MBD5: variants seen among roughly 807,000 people sequenced by gnomAD.
MBD5 encodes methyl-CpG binding domain protein 5, also known as methyl-CpG-binding domain protein 5.
In MBD5, 13 loss-of-function variants were observed where a neutral mutation model predicts 117.3. That is an observed-to-expected ratio of 0.11 (90% CI 0.07 to 0.18). MBD5 has a LOEUF of 0.18. Ranked by LOEUF, MBD5 falls within the 10% of genes least tolerant of loss-of-function variation. MBD5 has a pLI of 1.00. For synonymous variants in MBD5, 727 were observed against 766.4 expected (o/e 0.95, Z 0.85); for missense variants, 1,879 against 2,093.8 (o/e 0.90, Z 2.00).
At chr2:148,197,357 A>G (rs1298446365) in intron 2 of MBD5, among the ~76,000 whole-genome samples, 2 of 152,080 alleles carry the variant, frequency 1.3e-5, no homozygotes, top group East Asian at 3.9e-4. Flanking sequence ...TCCCTGCTGA[A>G]CTCTGCCTAA....
rs553546750 is a variant in MBD5, at chr2:148,426,843, C to T, written c.-556-31360C>T. On this transcript the variant is annotated intron_variant, in intron 4 of 13. Coordinates refer to ENST00000642680, the MANE Select transcript of MBD5 (RefSeq NM_001378120.1). The stretch of plus-strand genomic sequence containing the variant: ...AAGAACTTCTACCCAGCAAAAGAAA[C>T]CACCATCAGAGTGAACAGGCAACCT... Among the ~76,000 whole-genome samples, 20 of 152,214 alleles carry T rather than the reference C, an allele frequency of 1.3e-4. No individual in the cohort carries two copies. In the South Asian group the frequency reaches 3.7e-3, roughly 28 times the overall value.
chr2:148,287,275 A>T (rs1701388127), intron 3 of MBD5, among the ~76,000 whole-genome samples: 1 of 152,202 alleles, frequency 6.6e-6, no homozygotes, highest in African/African-American at 2.4e-5. Context: ...ACTTTGCATA[A>T]ATTTGCATAT....
chr2:148,197,916 C>T (rs987244786), intron 2 of MBD5, among the ~76,000 whole-genome samples: 2 of 149,236 alleles, frequency 1.3e-5, no homozygotes, highest in African/African-American at 2.5e-5. Flanking sequence ...CGGGTTCAAG[C>T]GATTCTCCTG....
chr2:148,314,376 G>GGTT (rs762387317), intron 3 of MBD5, among the ~76,000 whole-genome samples: 5 of 106,622 alleles, frequency 4.7e-5, no homozygotes, highest in Non-Finnish European at 7.3e-5. Context: ...CAGTGTTATG[G>GGTT]TTTTTTTTTT....
rs139851588 is a variant in MBD5 at position 148,331,220 on chromosome 2, T to G, written c.-679-10994T>G. Among the ~76,000 whole-genome samples the G allele has an allele frequency of 3.9e-5, 6 of 152,150 alleles. No homozygotes were observed. In the South Asian group the frequency reaches 6.2e-4, roughly 16 times the overall value. ...AAATGCCTACTTAGTTTCCACAGAT[T>G]ATTAAAGTTAATTTTATGCTTTTTT... On this transcript the variant is annotated intron_variant, in intron 3 of 13. Transcript: ENST00000642680.
intron 4 of MBD5, among the ~76,000 whole-genome samples, chr2:148,443,186 A>C (rs978196465): frequency 1.3e-5 from 2 of 151,412 alleles, no homozygotes; most frequent in Admixed American, 1.3e-4. Context: ...AAACAAAACT[A>C]CAGTGAGATA....
In MBD5 at chr2:148,058,159, C is replaced by T. The variant is rs80195304; in HGVS notation, c.-925+36475C>T. On this transcript the variant is annotated intron_variant, in intron 1 of 13. Transcript: ENST00000642680. The stretch of plus-strand genomic sequence containing the variant: ...GGTCTGCATTTTCTTTGTATTTCCC[C>T]TTGCCCTTACTTTCTTCTTATAATA... Among the ~76,000 whole-genome samples, 412 of 152,066 alleles carry T rather than the reference C, an allele frequency of 2.7e-3. 1 individual carries two copies. Among genetic ancestry groups the T allele is most frequent in the Middle Eastern group, 0.01 (3 of 294 alleles).
chr2:148,265,492 T>C (rs1700834731), intron 3 of MBD5, among the ~76,000 whole-genome samples: 1 of 152,182 alleles, frequency 6.6e-6, no homozygotes, highest in Non-Finnish European at 1.5e-5. Flanking sequence ...CACAGATTAT[T>C]GAACAGTTAG....
chr2:148,063,553 C>CTTTT (rs35670128), intron 1 of MBD5, among the ~76,000 whole-genome samples: 2 of 149,530 alleles, frequency 1.3e-5, no homozygotes, highest in Non-Finnish European at 3.0e-5. Flanking sequence ...TCCAAGAAAA[C>CTTTT]TTTTTTTTTT....
chr2:148,377,063 T>C (rs1402422884), intron 4 of MBD5, among the ~76,000 whole-genome samples: 2 of 151,158 alleles, frequency 1.3e-5, no homozygotes, highest in African/African-American at 4.9e-5. Flanking sequence ...CTATTAGTTC[T>C]CTCCCTATAT....
At chr2:148,375,580 C>A (rs1703967411) in intron 4 of MBD5, among the ~76,000 whole-genome samples, 1 of 152,248 alleles carries the variant, frequency 6.6e-6, no homozygotes, top group African/African-American at 2.4e-5. Context: ...ATATGGGGTA[C>A]TTGCCTTGCT....
At chr2:148,403,642 C>CT (rs1574387102) in intron 4 of MBD5, among the ~76,000 whole-genome samples, 1 of 152,128 alleles carries the variant, frequency 6.6e-6, no homozygotes, top group Non-Finnish European at 1.5e-5. Flanking sequence ...GTCAAATTTC[C>CT]TTCAATGGCA....
chr2:148,413,728 A>G (rs1017764681), intron 4 of MBD5, among the ~76,000 whole-genome samples: 7 of 151,612 alleles, frequency 4.6e-5, no homozygotes, highest in East Asian at 3.9e-4. Context: ...AAATTTATCA[A>G]TTTCTTCTAG....
At chr2:148,317,415 G>C (rs935059204) in intron 3 of MBD5, among the ~76,000 whole-genome samples, 2 of 151,910 alleles carry the variant, frequency 1.3e-5, no homozygotes, top group African/African-American at 4.8e-5. Flanking sequence ...CATGTTTAAA[G>C]CCTCTAAAGT....
chr2:148,230,287 C>G (rs887178603), intron 2 of MBD5, among the ~76,000 whole-genome samples: 12 of 152,152 alleles, frequency 7.9e-5, no homozygotes, highest in African/African-American at 2.9e-4. Flanking sequence ...CCCCACTCTT[C>G]CCTTCCCTTT....
intron 3 of MBD5, among the ~76,000 whole-genome samples, chr2:148,241,974 T>C (rs145322004): frequency 1.4e-3 from 213 of 152,330 alleles, no homozygotes; most frequent in African/African-American, 4.7e-3. Context: ...TTTACTTTCA[T>C]ATTTACCTGT....
At chr2:148,412,303 T>TGTGTAG (rs371452995) in intron 4 of MBD5, among the ~76,000 whole-genome samples, 2 of 138,234 alleles carry the variant, frequency 1.4e-5, no homozygotes, top group East Asian at 4.2e-4. Context: ...TGTGTGTGTG[T>TGTGTAG]AGAGAGAGAG....
At chr2:148,257,397 C>T (rs1254250120) in intron 3 of MBD5, among the ~76,000 whole-genome samples, 5 of 152,220 alleles carry the variant, frequency 3.3e-5, no homozygotes, top group Admixed American at 6.5e-5. Flanking sequence ...ACCAATATCC[C>T]AGGAGGCCCA....
intron 1 of MBD5, among the ~76,000 whole-genome samples, chr2:148,148,380 G>A (rs1200610935): frequency 6.6e-6 from 1 of 152,228 alleles, no homozygotes; most frequent in Non-Finnish European, 1.5e-5. Flanking sequence ...AACTGGAGAA[G>A]AGGATGGGAT....
Sources: allele counts gnomAD v4.1 joint callset (sites outside exome capture counted in the v4.1 genomes callset), GRCh38; gene constraint gnomAD v4.1.1; transcripts MANE v1.5; gene names NCBI Gene and HGNC (gene_info 2026-07-23, HGNC 2026-07-21).